The following SPATA17 variants were observed in gnomAD, a reference collection of about 807,000 sequenced individuals.
SPATA17 encodes the protein spermatogenesis associated 17.
In SPATA17, 53 loss-of-function variants were observed where a neutral mutation model predicts 62.2. The ratio of observed to expected loss-of-function variants is 0.85; its 90% CI spans 0.68 to 1.07. The LOEUF (loss-of-function observed/expected upper bound fraction) is 1.07, where lower values mean the gene tolerates loss of function less well. SPATA17 is among the 50% of genes least tolerant of loss of function. The probability of loss-of-function intolerance (pLI) is 0.00; values close to 1 mark genes in which losing one functional copy is unlikely to be tolerated. For synonymous variants in SPATA17, 146 were observed against 146.8 expected (o/e 0.99, Z 0.04); for missense variants, 466 against 425.5 (o/e 1.10, Z -0.84).
Position 217,782,186 on chromosome 1 carries a change from G to A in SPATA17, c.736G>A (p.Asp246Asn). The A allele has an allele frequency of 1.9e-6, 3 of 1,595,644 alleles. No individual in the cohort carries two copies. The East Asian group carries it at 6.7e-5, about 36-fold the overall frequency. Residue 246 changes from aspartate to asparagine, a missense_variant, in exon 8 of 11, where the codon GAT (aspartate) becomes AAT (asparagine). Physicochemically the swap from Asp to Asn is conservative, Grantham distance 23. Transcript: ENST00000366933. ...NRKQCQGPFRDITEVLEQRYR... is the reference protein window; with the variant it reads ...NRKQCQGPFRNITEVLEQRYR... ...CCTGTCTTGTCAGGGGCCCTTCCGA[G>A]ATATCACCGAAGTATTAGAACAACG...
At chr1:217,798,063 T>G (rs1201272465) in intron 8 of SPATA17, among the ~76,000 whole-genome samples, 1 of 152,172 alleles carries the variant, frequency 6.6e-6, no homozygotes, top group Non-Finnish European at 1.5e-5. Flanking sequence ...CTTGTGATCT[T>G]TTGAGAATGT....
At chr1:217,772,176 T>G (rs1158774486) in intron 6 of SPATA17, among the ~76,000 whole-genome samples, 1 of 152,172 alleles carries the variant, frequency 6.6e-6, no homozygotes, top group Admixed American at 6.5e-5. Context: ...CTAGAAATTA[T>G]CTTTATAATT....
chr1:217,722,082 T>C (rs1672139536), intron 5 of SPATA17, among the ~76,000 whole-genome samples: 1 of 152,134 alleles, frequency 6.6e-6, no homozygotes, highest in Non-Finnish European at 1.5e-5. Flanking sequence ...TCTCATTCCA[T>C]GGTAGGACCT....
At chr1:217,652,970 C>T (rs1360171863) in intron 3 of SPATA17, among the ~76,000 whole-genome samples, 2 of 152,100 alleles carry the variant, frequency 1.3e-5, no homozygotes, top group African/African-American at 2.4e-5. Flanking sequence ...GGCACCTAGT[C>T]GGTGCTCAAA....
chr1:217,800,535 T>G (rs1000358309), intron 8 of SPATA17, among the ~76,000 whole-genome samples: 11 of 152,180 alleles, frequency 7.2e-5, no homozygotes, highest in African/African-American at 2.7e-4. Flanking sequence ...TATGGATACA[T>G]GGACTGGGAC....
At chr1:217,681,500 A>G (rs573583807) in intron 4 of SPATA17, among the ~76,000 whole-genome samples, 13 of 152,022 alleles carry the variant, frequency 8.6e-5, no homozygotes, top group Non-Finnish European at 1.6e-4. Flanking sequence ...CAGCCTCCCA[A>G]GTAGCTGGGA....
intron 8 of SPATA17, among the ~76,000 whole-genome samples, chr1:217,789,307 T>C (rs555038173): frequency 4.9e-4 from 74 of 152,320 alleles, no homozygotes; most frequent in African/African-American, 1.6e-3. Context: ...CTGGAACTAA[T>C]AGCTATGAAT....
chr1:217,741,069 A>G (rs1672615705), intron 5 of SPATA17, among the ~76,000 whole-genome samples: 1 of 152,180 alleles, frequency 6.6e-6, no homozygotes, highest in South Asian at 2.1e-4. Context: ...CTTTCCTCAG[A>G]TACCTTTGAG....
Position 217,867,257 on chromosome 1 carries a change from C to A in SPATA17, c.*238C>A, listed in dbSNP as rs550887873. 6.6e-6 allele frequency: 1 copy of A among 152,292 alleles called. No individual in the cohort carries two copies. Among genetic ancestry groups the A allele is most frequent in the Non-Finnish European group, 1.5e-5 (1 of 68,032 alleles). 9.4% of individuals were successfully genotyped at this position (152,292 alleles called of 1,614,324 possible). ...TACCTCTGAGAATGTCTGTCACAATCACAGCCCCTGGTGACCAACAGTGCC... is the reference window on the plus strand; with the variant it reads ...TACCTCTGAGAATGTCTGTCACAATAACAGCCCCTGGTGACCAACAGTGCC... On this transcript the variant is annotated 3_prime_UTR_variant, in exon 11 of 11. Coordinates refer to ENST00000366933, the MANE Select transcript of SPATA17 (RefSeq NM_138796.4).
chr1:217,730,415 C>T (rs1672377687), intron 5 of SPATA17, among the ~76,000 whole-genome samples: 1 of 151,980 alleles, frequency 6.6e-6, no homozygotes, highest in Non-Finnish European at 1.5e-5. Context: ...CAGGGTTTCA[C>T]CATGTTGGCC....
chr1:217,654,684 C>T (rs1199889014), intron 3 of SPATA17, among the ~76,000 whole-genome samples: 7 of 150,832 alleles, frequency 4.6e-5, no homozygotes, highest in East Asian at 1.9e-4. Flanking sequence ...CCCCTTATCT[C>T]TCAATATATT....
chr1:217,759,666 A>T (rs1312594010), intron 6 of SPATA17, among the ~76,000 whole-genome samples: 1 of 152,090 alleles, frequency 6.6e-6, no homozygotes, highest in Non-Finnish European at 1.5e-5. Flanking sequence ...GCAGAGGGAG[A>T]TTGTTTCATA....
intron 9 of SPATA17, among the ~76,000 whole-genome samples, chr1:217,821,531 G>T (rs1674862252): frequency 6.6e-6 from 1 of 152,074 alleles, no homozygotes; most frequent in Non-Finnish European, 1.5e-5. Context: ...CTTAGCAGGA[G>T]TTGATTCAAT....
intron 8 of SPATA17, among the ~76,000 whole-genome samples, chr1:217,791,468 G>T (rs2102982225): frequency 6.6e-6 from 1 of 152,260 alleles, no homozygotes; most frequent in East Asian, 1.9e-4. Flanking sequence ...TACTTTGGCT[G>T]TATAGTGAGA....
chr1:217,688,550 G>A (rs1007134878), intron 5 of SPATA17, among the ~76,000 whole-genome samples: 3 of 152,080 alleles, frequency 2.0e-5, no homozygotes, highest in African/African-American at 4.8e-5. Context: ...CACATAGGTC[G>A]ACAGCCCCAT....
chr1:217,661,053 G>C (rs986794898), intron 3 of SPATA17, among the ~76,000 whole-genome samples: 4 of 152,040 alleles, frequency 2.6e-5, no homozygotes, highest in African/African-American at 7.2e-5. Context: ...ACAAATATTT[G>C]TTAAACCAAG....
At chr1:217,743,799 A>C (rs538767106) in intron 6 of SPATA17, among the ~76,000 whole-genome samples, 1 of 152,106 alleles carries the variant, frequency 6.6e-6, no homozygotes, top group East Asian at 2.0e-4. Context: ...AATAGAGATG[A>C]GGTTTCACCG....
chr1:217,850,493 G>T (rs1558075989), intron 9 of SPATA17: 1 of 1,506,072 alleles, frequency 6.6e-7, no homozygotes, highest in Non-Finnish European at 9.2e-7. Context: ...CTAGCTGCAT[G>T]CCTGCAAAGA....
At chr1:217,797,133 A>C (rs1674168860) in intron 8 of SPATA17, among the ~76,000 whole-genome samples, 1 of 152,186 alleles carries the variant, frequency 6.6e-6, no homozygotes, top group Non-Finnish European at 1.5e-5. Flanking sequence ...TGCCTTAAAA[A>C]AGCTTGTGAT....
Sources: gnomAD v4.1 joint callset for allele counts (sites outside exome capture counted in the v4.1 genomes callset) on GRCh38, gnomAD v4.1.1 for gene constraint, MANE v1.5 for transcripts, NCBI Gene and HGNC (gene_info 2026-07-23, HGNC 2026-07-21) for gene names.